The following ROBO1 variants were observed in gnomAD, a reference collection of about 807,000 sequenced individuals.
ROBO1 encodes the protein roundabout homolog 1.
ROBO1 carries 149 observed loss-of-function variants against 195.9 expected under a neutral mutation model. The observed-to-expected ratio is 0.76, with a 90% CI of 0.67 to 0.87. The LOEUF is 0.87. Among genes scored for constraint, ROBO1 ranks in the 40% least tolerant of loss-of-function variants. The pLI, the probability that ROBO1 is intolerant of heterozygous loss-of-function variation, is 0.00. For missense variants in ROBO1, 1,933 were observed against 2,068.3 expected, an observed-to-expected ratio of 0.93 and a Z score of 1.27; for synonymous variants, 816 against 733.2, an observed-to-expected ratio of 1.11 and a Z score of -1.82.
At chr3:78,998,420 T>A (rs956272692) in intron 3 of ROBO1, among the ~76,000 whole-genome samples, 3 of 152,164 alleles carry the variant, frequency 2.0e-5, no homozygotes, top group Non-Finnish European at 4.4e-5. Context: ...TATACTCAGA[T>A]TTCTCCTAAA....
At chr3:79,408,172 C>T (rs929476722) in intron 2 of ROBO1, among the ~76,000 whole-genome samples, 1 of 151,776 alleles carries the variant, frequency 6.6e-6, no homozygotes, top group Admixed American at 6.6e-5. Flanking sequence ...GAGCTGAGAT[C>T]ATGCCATTGC....
At chr3:78,816,723 G>A (rs977693987) in intron 4 of ROBO1, among the ~76,000 whole-genome samples, 3 of 152,164 alleles carry the variant, frequency 2.0e-5, no homozygotes, top group Non-Finnish European at 4.4e-5. Context: ...TTGCAAATGT[G>A]ATGGAAACAG....
intron 2 of ROBO1, chr3:79,533,119 G>A: frequency 2.3e-6 from 1 of 433,564 alleles, no homozygotes; most frequent in South Asian, 1.7e-5. Context: ...CCTGGAGGGA[G>A]AATAGGGAGA....
intron 2 of ROBO1, among the ~76,000 whole-genome samples, chr3:79,489,309 CAT>C (rs977493215): frequency 5.9e-5 from 9 of 152,048 alleles, no homozygotes; most frequent in Non-Finnish European, 1.0e-4. Flanking sequence ...AGTTCAAACA[CAT>C]GTCTAAAATT....
intron 1 of ROBO1, among the ~76,000 whole-genome samples, chr3:79,621,162 G>T (rs929306039): frequency 1.3e-5 from 2 of 152,126 alleles, no homozygotes; most frequent in Non-Finnish European, 2.9e-5. Context: ...TACCTGGTCT[G>T]TACTGCTGCA....
rs565172963 is a variant in ROBO1 at position 78,633,824 on chromosome 3, TAC to T, written c.3481+109_3481+110del. 1.4e-3 allele frequency: 787 copies of T among 559,514 alleles called. 4 individuals carry two copies. The highest frequency in any genetic ancestry group is 2.2e-3 in the Non-Finnish European group (704 of 319,038). The allele number at this position is 559,514 out of a possible 1,614,324, so 34.7% of individuals were successfully genotyped here. ...ACACATGCCTGAGACTCAAATTACA[TAC>T]AGTGATTTAGACATGTCACCTACAT... On this transcript the variant is annotated intron_variant, in intron 24 of 30. Coordinates refer to ENST00000464233, the MANE Select transcript of ROBO1 (RefSeq NM_002941.4).
At chr3:79,059,929 A>C (rs1003156772) in intron 3 of ROBO1, among the ~76,000 whole-genome samples, 1 of 152,044 alleles carries the variant, frequency 6.6e-6, no homozygotes, top group Non-Finnish European at 1.5e-5. Flanking sequence ...ATAAGGTCTG[A>C]CTGCCTGCCG....
chr3:78,938,955 G>A (rs545690303), intron 3 of ROBO1, 28 bp from the exon 4 acceptor site: 22 of 1,555,918 alleles, frequency 1.4e-5, no homozygotes, highest in African/African-American at 8.2e-5. Flanking sequence ...AAATATCTTC[G>A]TATATCACTT....
At chr3:79,129,576 T>C (rs886194476) in intron 2 of ROBO1, among the ~76,000 whole-genome samples, 1 of 152,188 alleles carries the variant, frequency 6.6e-6, no homozygotes, top group Admixed American at 6.5e-5. Context: ...GGAAACTTTG[T>C]CTTTAAATAT....
At chr3:79,412,070 C>A (rs147640275) in intron 2 of ROBO1, among the ~76,000 whole-genome samples, 1 of 152,028 alleles carries the variant, frequency 6.6e-6, no homozygotes, top group Non-Finnish European at 1.5e-5. Context: ...CTGTCACAGA[C>A]GAACCTGAAG....
At chr3:79,751,462 A>C (rs1206858763) in intron 1 of ROBO1, among the ~76,000 whole-genome samples, 1 of 152,152 alleles carries the variant, frequency 6.6e-6, no homozygotes, top group Non-Finnish European at 1.5e-5. Context: ...AAATTAGGGA[A>C]GGGGGATTAA....
chr3:79,661,955 G>A (rs1287336395), intron 1 of ROBO1, among the ~76,000 whole-genome samples: 1 of 151,894 alleles, frequency 6.6e-6, no homozygotes, highest in South Asian at 2.1e-4. Flanking sequence ...GAATGCCTAA[G>A]TGTAATAATC....
At chr3:79,490,664 G>C (rs1939404164) in intron 2 of ROBO1, among the ~76,000 whole-genome samples, 1 of 152,226 alleles carries the variant, frequency 6.6e-6, no homozygotes, top group African/African-American at 2.4e-5. Context: ...CCTCCCAGGA[G>C]AAAGTTGCCT....
intron 1 of ROBO1, among the ~76,000 whole-genome samples, chr3:79,619,534 C>T (rs536356740): frequency 3.9e-5 from 6 of 152,082 alleles, no homozygotes; most frequent in Non-Finnish European, 7.4e-5. Flanking sequence ...CTTCTATTAC[C>T]TCCCTTCCTC....
intron 4 of ROBO1, among the ~76,000 whole-genome samples, chr3:78,819,956 G>A (rs1414308831): frequency 6.6e-6 from 1 of 152,156 alleles, no homozygotes; most frequent in Non-Finnish European, 1.5e-5. Flanking sequence ...TATCCCCAAT[G>A]GGATAGAACT....
intron 2 of ROBO1, among the ~76,000 whole-genome samples, chr3:79,343,253 C>A (rs1269083283): frequency 6.6e-6 from 1 of 152,130 alleles, no homozygotes; most frequent in African/African-American, 2.4e-5. Context: ...CATTCACTTA[C>A]TGAATGATAT....
At chr3:78,629,377 T>C (rs1482408031) in intron 25 of ROBO1, among the ~76,000 whole-genome samples, 1 of 152,092 alleles carries the variant, frequency 6.6e-6, no homozygotes, top group Non-Finnish European at 1.5e-5. Context: ...GCAATGAATG[T>C]TGTTAAAATA....
chr3:78,877,502 GA>G (rs111645529), intron 4 of ROBO1, among the ~76,000 whole-genome samples: 1 of 151,156 alleles, frequency 6.6e-6, no homozygotes, highest in Non-Finnish European at 1.5e-5. Context: ...ATTTCAAAAA[GA>G]AAAAAAATCA....
chr3:79,471,624 T>TTC (rs1429565314), intron 2 of ROBO1, among the ~76,000 whole-genome samples: 30 of 152,176 alleles, frequency 2.0e-4, no homozygotes, highest in Admixed American at 7.2e-4. Context: ...AAATTTCAAA[T>TTC]TTTCTTTGAT....
Sources: gnomAD v4.1 joint callset for allele counts (sites outside exome capture counted in the v4.1 genomes callset) on GRCh38, gnomAD v4.1.1 for gene constraint, MANE v1.5 for transcripts, NCBI Gene and HGNC (gene_info 2026-07-23, HGNC 2026-07-21) for gene names.